Variants in TAF1A observed in about 807,000 individuals in gnomAD.
TAF1A encodes TATA-box binding protein associated factor, RNA polymerase I subunit A.
Under a neutral mutation model 61.6 loss-of-function variants are expected in TAF1A, and 42 were observed. That is an observed-to-expected ratio of 0.68 (90% CI 0.53 to 0.88). The LOEUF is 0.88. Ranked by LOEUF, TAF1A falls within the 40% of genes least tolerant of loss-of-function variation. TAF1A has a pLI of 0.00. For synonymous variants in TAF1A, 179 were observed against 177.7 expected (o/e 1.01, Z -0.06); for missense variants, 424 against 518.7 (o/e 0.82, Z 1.77).
At chr1:222,575,772 T>C (rs1571816029) in intron 5 of TAF1A, among the ~76,000 whole-genome samples, 1 of 152,168 alleles carries the variant, frequency 6.6e-6, no homozygotes, top group East Asian at 1.9e-4. Flanking sequence ...GCTCTACATA[T>C]TATCCCATCA....
At chr1:222,557,033 C>A (rs187055502), downstream of TAF1A, among the ~76,000 whole-genome samples, 2 of 152,182 alleles carry the variant, frequency 1.3e-5, no homozygotes, top group African/African-American at 4.8e-5. Flanking sequence ...TATTGATAGA[C>A]CTTTCTTACT....
intron 4 of TAF1A, among the ~76,000 whole-genome samples, chr1:222,579,409 C>T (rs761216319): frequency 9.9e-5 from 15 of 152,182 alleles, no homozygotes; most frequent in Non-Finnish European, 2.2e-4. Context: ...AAATTCCCAA[C>T]TTGTTTAGCT....
chr1:222,579,920 C>T (rs771310195), intron 3 of TAF1A, 48 bp from the exon 4 acceptor site: 1 of 1,575,908 alleles, frequency 6.3e-7, no homozygotes. Flanking sequence ...TTGCCTTAAC[C>T]AATTTCTGTC....
At chr1:222,586,365 A>AC (rs1661016496) in intron 2 of TAF1A, among the ~76,000 whole-genome samples, 1 of 152,212 alleles carries the variant, frequency 6.6e-6, no homozygotes, top group African/African-American at 2.4e-5. Flanking sequence ...TCTATCGCTC[A>AC]AGCTTTCACA....
chr1:222,589,686 A>C (rs1661175591), intron 1 of TAF1A, 41 bp downstream of exon 1: 1 of 184,316 alleles, frequency 5.4e-6, no homozygotes, highest in African/African-American at 2.3e-5. Context: ...TTCCCGTTCC[A>C]TTTAAACGCA....
rs114192853 is a variant in TAF1A, at chr1:222,572,571, T to G, written c.605-1906A>C. On this transcript the variant is annotated intron_variant, in intron 5 of 10. Transcript: ENST00000352967. ...TGCAGTTTCACCATGTTGCCCAGGT[T>G]GGTTTCGAACTCCTGAGGGCTCATG... 3.5e-3 allele frequency among the ~76,000 whole-genome samples: 527 copies of G among 152,288 alleles called. 3 individuals are homozygous for G. The highest frequency in any genetic ancestry group is 0.012 in the African/African-American group (506 of 41,544).
At chr1:222,563,949 G>A in intron 8 of TAF1A, 110 bp downstream of exon 8, 1 of 691,092 alleles carries the variant, frequency 1.4e-6, no homozygotes, top group Non-Finnish European at 2.6e-6. Flanking sequence ...AACAGAACTT[G>A]ATTTATAAAA....
intron 5 of TAF1A, among the ~76,000 whole-genome samples, chr1:222,574,663 G>C (rs1282888379): frequency 6.6e-6 from 1 of 152,106 alleles, no homozygotes; most frequent in Non-Finnish European, 1.5e-5. Flanking sequence ...GAATAAATTA[G>C]AGCTACATCC....
At chr1:222,563,987 G>T in intron 8 of TAF1A, 72 bp downstream of exon 8, 2 of 910,904 alleles carry the variant, frequency 2.2e-6, no homozygotes, top group Non-Finnish European at 3.6e-6. Flanking sequence ...TTAGCCGATG[G>T]GCTAAACTAG....
At chr1:222,563,397 A>G (rs1260418029) in intron 8 of TAF1A, 101 bp from the exon 9 acceptor site, 45 of 1,265,688 alleles carry the variant, frequency 3.6e-5, no homozygotes, top group Admixed American at 1.5e-4. Flanking sequence ...TACTTTACAT[A>G]TATGTTGTTG....
chr1:222,577,844 A>G (rs1660636462), intron 4 of TAF1A, among the ~76,000 whole-genome samples: 1 of 152,198 alleles, frequency 6.6e-6, no homozygotes, highest in African/African-American at 2.4e-5. Flanking sequence ...TATGAGCTAA[A>G]TTATGTAAAC....
At chr1:222,557,739 AGTTAG>A (rs1659755018), downstream of TAF1A, among the ~76,000 whole-genome samples, 1 of 151,972 alleles carries the variant, frequency 6.6e-6, no homozygotes, top group Non-Finnish European at 1.5e-5. Flanking sequence ...AGCCCTTTAA[AGTTAG>A]GCCAGTGCCA....
rs1558151454 is a variant in TAF1A, at chr1:222,579,765, A to G, written c.399T>C (p.Tyr133=). 2 of 1,608,656 alleles carry G rather than the reference A, an allele frequency of 1.2e-6. No homozygotes were observed. The highest frequency in any genetic ancestry group is 2.7e-5 in the African/African-American group (2 of 74,718). ...NRMKNIGVMN[Y]LKISLQHALY... ...ACAAAGCCCATATTCTCACCTTTAA[A>G]TAATTCATGACGCCAATATTTTTCA... The change falls in exon 4 of 11, where the codon TAT becomes TAC. Residue 133 remains tyrosine, a synonymous_variant. Coordinates refer to ENST00000352967, the MANE Select transcript of TAF1A (RefSeq NM_005681.4).
intron 7 of TAF1A, chr1:222,569,159 TG>T: frequency 1.3e-6 from 1 of 758,952 alleles, no homozygotes; most frequent in Non-Finnish European, 1.7e-6. Flanking sequence ...ATTACCATGG[TG>T]GTTCATGAAT....
chr1:222,583,465 A>T (rs75861333), intron 3 of TAF1A, among the ~76,000 whole-genome samples: 1 of 151,984 alleles, frequency 6.6e-6, no homozygotes, highest in African/African-American at 2.4e-5. Flanking sequence ...AAAGAGAACA[A>T]CTCTTTCAAG....
intron 5 of TAF1A, among the ~76,000 whole-genome samples, chr1:222,575,752 T>TGTAAGATGTAAGAG (rs1660546145): frequency 6.6e-6 from 1 of 152,192 alleles, no homozygotes; most frequent in Non-Finnish European, 1.5e-5. Flanking sequence ...AGGTGAATGA[T>TGTAAGATGTAAGAG]CATCTAAGAG....
At position 222,568,282 on chromosome 1, in the gene TAF1A, C is replaced by T. The variant is rs970699394; in HGVS notation, c.894+1228G>A. ...AAGAAAAAAAAATGTACAAACTGAA[C>T]ATCAAAACTAGAAGTTTCTACTCTT... On this transcript the variant is annotated intron_variant, in intron 7 of 10. Transcript: ENST00000352967. Among the ~76,000 whole-genome samples, 4 of 149,840 alleles carry T rather than the reference C, an allele frequency of 2.7e-5. No homozygotes were observed. In the East Asian group the frequency reaches 5.8e-4, roughly 22 times the overall value.
downstream of TAF1A, among the ~76,000 whole-genome samples, chr1:222,554,759 G>A (rs2102629617): frequency 6.6e-6 from 1 of 152,200 alleles, no homozygotes; most frequent in Admixed American, 6.5e-5. Context: ...AGGCTAGGTG[G>A]GGGGCTTCAG....
At chr1:222,577,079 C>G (rs191962133) in intron 5 of TAF1A, among the ~76,000 whole-genome samples, 16 of 152,074 alleles carry the variant, frequency 1.1e-4, no homozygotes, top group Admixed American at 8.5e-4. Flanking sequence ...TCCCCACCCC[C>G]ACCCTTTACA....
Sources: allele counts gnomAD v4.1 joint callset (sites outside exome capture counted in the v4.1 genomes callset), GRCh38; gene constraint gnomAD v4.1.1; transcripts MANE v1.5; gene names NCBI Gene and HGNC (gene_info 2026-07-23, HGNC 2026-07-21).